The following ENTREP1 variants were observed in gnomAD, a reference collection of about 807,000 sequenced individuals.
The protein encoded by ENTREP1 is endosomal transmembrane epsin interactor 1.
the ENTREP1 span, among the ~76,000 whole-genome samples, chr9:69,359,525 A>G: frequency 0.096 from 14,681 of 152,166 alleles, 737 homozygotes; most frequent in Non-Finnish European, 0.1. Flanking sequence ...TTTCCCCTTC[A>G]CTTGGCACAT....
At chr9:69,346,855 A>G in the ENTREP1 span, among the ~76,000 whole-genome samples, 3 of 152,204 alleles carry the variant, frequency 2.0e-5, no homozygotes, top group Admixed American at 6.5e-5. Flanking sequence ...GAAAAAGATT[A>G]GGGATTAAAG....
chr9:69,335,829 G>GTGACATGCGCCTGTAGTCC, the ENTREP1 span, among the ~76,000 whole-genome samples: 1 of 25,836 alleles, frequency 3.9e-5, no homozygotes, highest in Admixed American at 3.5e-4. Flanking sequence ...GCCAGGTGTG[G>GTGACATGCGCCTGTAGTCC]TGACATGCGC....
chr9:69,385,309 G>C, the ENTREP1 span, among the ~76,000 whole-genome samples: 1 of 152,136 alleles, frequency 6.6e-6, no homozygotes, highest in Non-Finnish European at 1.5e-5. Context: ...AATTCCAGCG[G>C]GGTTTTACGG....
the ENTREP1 span, chr9:69,388,221 T>A: frequency 6.2e-7 from 1 of 1,614,156 alleles, no homozygotes; most frequent in South Asian, 1.1e-5. Flanking sequence ...CTGGCTGCAG[T>A]GACTCTGAGG....
At chr9:69,334,783 T>C in the ENTREP1 span, among the ~76,000 whole-genome samples, 2 of 149,934 alleles carry the variant, frequency 1.3e-5, no homozygotes, top group Non-Finnish European at 3.0e-5. Flanking sequence ...TTCTTTTTTT[T>C]TTTTTTTTTT....
chr9:69,384,202 G>GA, the ENTREP1 span, among the ~76,000 whole-genome samples: 212 of 150,286 alleles, frequency 1.4e-3, no homozygotes, highest in Non-Finnish European at 2.4e-3. Flanking sequence ...TCTACAAACG[G>GA]AAAAAAAAAA....
the ENTREP1 span, among the ~76,000 whole-genome samples, chr9:69,348,287 T>A: frequency 2.0e-5 from 3 of 152,038 alleles, no homozygotes; most frequent in Admixed American, 6.6e-5. Flanking sequence ...TAATTTTTTT[T>A]AATTTAATTT....
At chr9:69,329,323 A>G in the ENTREP1 span, 2 of 956,852 alleles carry the variant, frequency 2.1e-6, no homozygotes, top group Non-Finnish European at 2.5e-6. Context: ...AGAGACAAAT[A>G]TATTTATTTG....
At chr9:69,375,730 G>T in the ENTREP1 span, 1 of 1,608,908 alleles carries the variant, frequency 6.2e-7, no homozygotes, top group Non-Finnish European at 8.5e-7. Flanking sequence ...CCTTTCCTCC[G>T]TTAAGGTGGA....
the ENTREP1 span, among the ~76,000 whole-genome samples, chr9:69,375,341 A>G: frequency 6.6e-6 from 1 of 152,334 alleles, no homozygotes; most frequent in East Asian, 1.9e-4. Flanking sequence ...AATGAAAATC[A>G]GAGTGCATTG....
the ENTREP1 span, among the ~76,000 whole-genome samples, chr9:69,337,299 C>T: frequency 5.3e-5 from 8 of 152,070 alleles, no homozygotes; most frequent in East Asian, 1.9e-4. Context: ...TGAGCCACCG[C>T]GCCTGGACTC....
the ENTREP1 span, among the ~76,000 whole-genome samples, chr9:69,357,659 C>A: frequency 6.6e-6 from 1 of 152,056 alleles, no homozygotes; most frequent in Non-Finnish European, 1.5e-5. Context: ...ACAGGCAAAC[C>A]AAGTCAGTGC....
At chr9:69,388,478 A>G in the ENTREP1 span, 3 of 1,525,300 alleles carry the variant, frequency 2.0e-6, no homozygotes, top group East Asian at 4.6e-5. Context: ...CTCAGGCATG[A>G]ATCAGATGAC....
At chr9:69,340,624 CAT>C in the ENTREP1 span, among the ~76,000 whole-genome samples, 3 of 55,860 alleles carry the variant, frequency 5.4e-5, no homozygotes, top group Admixed American at 3.4e-4. Flanking sequence ...TGTGTGTGTG[CAT>C]GTGTGTGTGC....
the ENTREP1 span, among the ~76,000 whole-genome samples, chr9:69,367,728 A>AATATATATATACACATATATAT: frequency 2.0e-5 from 1 of 49,146 alleles, no homozygotes; most frequent in African/African-American, 6.2e-5. Context: ...CATATATATA[A>AATATATATATACACATATATAT]AAATATATAT....
the ENTREP1 span, chr9:69,381,268 C>G: frequency 6.6e-6 from 1 of 152,208 alleles, no homozygotes; most frequent in Non-Finnish European, 1.5e-5. Flanking sequence ...TTCTGAGCCT[C>G]AGTTTCCTCA....
At chr9:69,371,306 T>TCA in the ENTREP1 span, 1 of 641,164 alleles carries the variant, frequency 1.6e-6, no homozygotes, top group Non-Finnish European at 2.8e-6. Context: ...GACTTAAGAG[T>TCA]CAGTGGCATC....
At chr9:69,390,515 C>T in the ENTREP1 span, among the ~76,000 whole-genome samples, 1 of 152,164 alleles carries the variant, frequency 6.6e-6, no homozygotes, top group Non-Finnish European at 1.5e-5. Flanking sequence ...GTTTGTGACA[C>T]ATTGCAAAAT....
At chr9:69,347,355 A>G in the ENTREP1 span, among the ~76,000 whole-genome samples, 1 of 152,176 alleles carries the variant, frequency 6.6e-6, no homozygotes, top group Non-Finnish European at 1.5e-5. Flanking sequence ...TAACAGGCAG[A>G]TGAACTCTCC....
Sources: gnomAD v4.1 joint callset for allele counts (sites outside exome capture counted in the v4.1 genomes callset) on GRCh38, gnomAD v4.1.1 for gene constraint, MANE v1.5 for transcripts, NCBI Gene and HGNC (gene_info 2026-07-23, HGNC 2026-07-21) for gene names.